The following NUP205 variants were observed in gnomAD, a reference collection of about 807,000 sequenced individuals.
NUP205 encodes the protein nucleoporin 205, also known as nuclear pore complex protein Nup205.
In NUP205, 76 loss-of-function variants were observed where a neutral mutation model predicts 253.8. The ratio of observed to expected loss-of-function variants is 0.30; its 90% CI spans 0.25 to 0.36. NUP205 has a LOEUF of 0.36. Among genes scored for constraint, NUP205 ranks in the 10% least tolerant of loss-of-function variants. The pLI is 1.00. For missense variants in NUP205, 2,162 were observed against 2,425.5 expected (o/e 0.89, Z 2.28); for synonymous variants, 832 against 850.1 (o/e 0.98, Z 0.37).
chr7:135,645,964 A>G, intron 41 of NUP205, 194 bp from the exon 42 acceptor site: 1 of 594,858 alleles, frequency 1.7e-6, no homozygotes, highest in Admixed American at 3.0e-5. Context: ...AATAGAGAAA[A>G]GCTGAGAACC....
chr7:135,597,569 A>G, intron 14 of NUP205, 151 bp downstream of exon 14: 1 of 541,892 alleles, frequency 1.8e-6, no homozygotes, highest in Non-Finnish European at 3.2e-6. Context: ...TGAAATAGAG[A>G]TGAAACTTTT....
At chr7:135,581,107 A>G (rs1434543582) in intron 7 of NUP205, among the ~76,000 whole-genome samples, 5 of 152,210 alleles carry the variant, frequency 3.3e-5, no homozygotes, top group African/African-American at 1.2e-4. Flanking sequence ...AAAAATGACT[A>G]GCTTGTGTTA....
chr7:135,627,521 A>G lies in NUP205; in HGVS notation c.4794-452A>G, dbSNP rs538072262. On this transcript the variant is annotated intron_variant, in intron 33 of 42. Coordinates refer to ENST00000285968, the MANE Select transcript of NUP205 (RefSeq NM_015135.3). The stretch of plus-strand genomic sequence containing the variant: ...TATTTCAAAATCCAAAAAAATCTGC[A>G]ACACTGCTGGTACCAAGCATTTTGG... 3.9e-4 allele frequency among the ~76,000 whole-genome samples: 59 copies of G among 152,338 alleles called. 3 individuals are homozygous for G. In the South Asian group the frequency reaches 0.012, roughly 30 times the overall value.
At chr7:135,593,350 T>G (rs1393129722) in intron 12 of NUP205, among the ~76,000 whole-genome samples, 158 bp downstream of exon 12, 1 of 152,168 alleles carries the variant, frequency 6.6e-6, no homozygotes, top group African/African-American at 2.4e-5. Context: ...TTTTTTGACC[T>G]CTACAGGGTG....
intron 1 of NUP205, among the ~76,000 whole-genome samples, chr7:135,558,593 G>A (rs1018245612): frequency 3.3e-5 from 5 of 152,180 alleles, no homozygotes; most frequent in East Asian, 1.9e-4. Context: ...AGGAACTCTG[G>A]AAGATTTGGG....
At chr7:135,626,728 C>A (rs1426811040) in intron 33 of NUP205, among the ~76,000 whole-genome samples, 1 of 152,018 alleles carries the variant, frequency 6.6e-6, no homozygotes, top group Non-Finnish European at 1.5e-5. Context: ...TTTCTGATTT[C>A]AATATTTTGC....
intron 1 of NUP205, among the ~76,000 whole-genome samples, chr7:135,568,933 G>T (rs1805863742): frequency 6.6e-6 from 1 of 152,050 alleles, no homozygotes; most frequent in African/African-American, 2.4e-5. Context: ...TTATTTTATT[G>T]TTTGTGCCAA....
At chr7:135,594,781 T>G in intron 13 of NUP205, 52 bp downstream of exon 13, 1 of 1,385,072 alleles carries the variant, frequency 7.2e-7, no homozygotes, top group South Asian at 1.4e-5. Context: ...AAAGTTGGGC[T>G]TGATAATACC....
intron 8 of NUP205, among the ~76,000 whole-genome samples, chr7:135,586,145 C>G (rs1466256929): frequency 7.7e-6 from 1 of 129,618 alleles, no homozygotes; most frequent in Admixed American, 7.8e-5. Context: ...TTTAAAAGCA[C>G]CCTGAAAGGT....
intron 4 of NUP205, among the ~76,000 whole-genome samples, 172 bp downstream of exon 4, chr7:135,576,586 T>C (rs1344329249): frequency 1.3e-5 from 2 of 152,186 alleles, no homozygotes; most frequent in Non-Finnish European, 2.9e-5. Context: ...TGTTTATAAA[T>C]AAAAAATAAT....
At chr7:135,580,935 G>A (rs778116916) in intron 7 of NUP205, among the ~76,000 whole-genome samples, 7 of 151,982 alleles carry the variant, frequency 4.6e-5, no homozygotes, top group Admixed American at 6.6e-5. Context: ...AATAGGTTAG[G>A]AATCACAGCC....
At chr7:135,603,638 T>C (rs1168255728) in intron 18 of NUP205, among the ~76,000 whole-genome samples, 1 of 151,860 alleles carries the variant, frequency 6.6e-6, no homozygotes, top group East Asian at 1.9e-4. Context: ...GCCTCCCCAG[T>C]AGCTGGGACT....
At chr7:135,607,215 GA>G in intron 21 of NUP205, 31 bp from the exon 22 acceptor site, 1 of 1,594,936 alleles carries the variant, frequency 6.3e-7, no homozygotes, top group Non-Finnish European at 8.5e-7. Flanking sequence ...AATTCTAAAA[GA>G]AAAGTTGAAT....
chr7:135,578,032 GT>G lies in NUP205; in HGVS notation c.877+12del. 1 of 1,571,670 alleles carries G rather than the reference GT, an allele frequency of 6.4e-7. No homozygotes were observed. Among genetic ancestry groups the G allele is most frequent in the Non-Finnish European group, 8.7e-7 (1 of 1,142,870 alleles). ...GCACAGAGGAACGAGATGGTATTGAGTTTTATACATTTTCCTACATTAAAAA... is the reference window on the plus strand; with the variant it reads ...GCACAGAGGAACGAGATGGTATTGAGTTTATACATTTTCCTACATTAAAAA... On this transcript the variant is annotated intron_variant, in intron 6 of 42. Transcript: ENST00000285968.
intron 22 of NUP205, among the ~76,000 whole-genome samples, chr7:135,609,505 G>A (rs964764801): frequency 1.3e-5 from 2 of 150,366 alleles, no homozygotes; most frequent in East Asian, 1.9e-4. Flanking sequence ...AAAATTATCC[G>A]GGCATGGTGG....
intron 38 of NUP205, among the ~76,000 whole-genome samples, chr7:135,640,376 C>G (rs1794897017): frequency 6.6e-6 from 1 of 151,976 alleles, no homozygotes; most frequent in African/African-American, 2.4e-5. Flanking sequence ...CAAAATTCAC[C>G]CATTTTAGGT....
rs1806171996 is a variant in NUP205, at chr7:135,577,055, A to C, written c.575A>C (p.Gln192Pro). The change falls in exon 5 of 43, where the codon CAG becomes CCG. Residue 192 changes from glutamine (Q) to proline (P), a missense_variant. Physicochemically the swap from Gln to Pro is moderately conservative, Grantham distance 76 (BLOSUM62 -1). Coordinates refer to ENST00000285968, the MANE Select transcript of NUP205 (RefSeq NM_015135.3). ...TATAAAGTTCTTACGCTGGTGTCAC[A>C]GATTGATGTGAATAATGAGTTTGAG... ...LTYKVLTLVSQIDVNNEFEKL... is the reference protein window; with the variant it reads ...LTYKVLTLVSPIDVNNEFEKL... 6.2e-7 allele frequency: 1 copy of C among 1,613,984 alleles called. No individual in the cohort carries two copies. The highest frequency in any genetic ancestry group is 1.3e-5 in the African/African-American group (1 of 74,926).
At chr7:135,604,277 T>A in intron 18 of NUP205, 63 bp from the exon 19 acceptor site, 1 of 1,463,632 alleles carries the variant, frequency 6.8e-7, no homozygotes, top group Non-Finnish European at 9.2e-7. Context: ...ATTTTCTTTA[T>A]TGAGAATAGT....
intron 1 of NUP205, among the ~76,000 whole-genome samples, chr7:135,569,463 C>T (rs1407069831): frequency 1.3e-5 from 2 of 151,938 alleles, no homozygotes; most frequent in Non-Finnish European, 2.9e-5. Flanking sequence ...CATTTACTTT[C>T]CAGTAAATTA....
Sources: allele counts gnomAD v4.1 joint callset (sites outside exome capture counted in the v4.1 genomes callset), GRCh38; gene constraint gnomAD v4.1.1; transcripts MANE v1.5; gene names NCBI Gene and HGNC (gene_info 2026-07-23, HGNC 2026-07-21).